Variants in GPHN observed in about 807,000 individuals in gnomAD.
GPHN encodes the protein gephyrin.
Under a neutral mutation model 95.5 loss-of-function variants are expected in GPHN, and 17 were observed. The ratio of observed to expected loss-of-function variants is 0.18; its 90% CI spans 0.12 to 0.27. The LOEUF (loss-of-function observed/expected upper bound fraction) is 0.27, where lower values mean the gene tolerates loss of function less well. GPHN is among the 10% of genes least tolerant of loss of function. The probability of loss-of-function intolerance (pLI) is 1.00; values close to 1 mark genes in which losing one functional copy is unlikely to be tolerated. For synonymous variants in GPHN, 320 were observed against 322.5 expected (o/e 0.99, Z 0.08); for missense variants, 660 against 978.1 (o/e 0.67, Z 4.34).
the GPHN span, among the ~76,000 whole-genome samples, chr14:67,330,967 T>G: frequency 1.3e-5 from 2 of 152,234 alleles, no homozygotes; most frequent in Admixed American, 1.3e-4. Flanking sequence ...CCTGTTAGGA[T>G]GTGTATTCCA....
the GPHN span, chr14:67,620,818 G>T: frequency 2.0e-6 from 3 of 1,466,798 alleles, no homozygotes; most frequent in Non-Finnish European, 2.9e-6. Context: ...GGAACCTGCT[G>T]GGAACTAAAT....
rs151031224 is a variant in GPHN at position 67,048,915 on chromosome 14, T to C, written c.1007-9734T>C. Among the ~76,000 whole-genome samples, 325 of 152,374 alleles carry C rather than the reference T, an allele frequency of 2.1e-3. 1 individual carries two copies. Among genetic ancestry groups the C allele is most frequent in the African/African-American group, 7.3e-3 (305 of 41,604 alleles). ...TAAGGTAGCTATCAGAATATATTTGTGGCCATGAAATAGTTTTGCTTCATA... is the reference window on the plus strand; with the variant it reads ...TAAGGTAGCTATCAGAATATATTTGCGGCCATGAAATAGTTTTGCTTCATA... On this transcript the variant is annotated intron_variant, in intron 10 of 22. Coordinates refer to ENST00000478722, the MANE Select transcript of GPHN (RefSeq NM_020806.5).
the GPHN span, among the ~76,000 whole-genome samples, chr14:67,733,033 C>T: frequency 3.3e-5 from 5 of 152,000 alleles, no homozygotes; most frequent in Non-Finnish European, 7.4e-5. Flanking sequence ...ATGACGAGTT[C>T]ATGGGTGCAG....
At chr14:67,653,475 CAA>C in the GPHN span, 25 of 1,613,876 alleles carry the variant, frequency 1.5e-5, no homozygotes, top group Non-Finnish European at 2.0e-5. Context: ...GACTTTTGCT[CAA>C]GTTTTCACTT....
chr14:67,376,794 T>A, the GPHN span, among the ~76,000 whole-genome samples: 1 of 152,234 alleles, frequency 6.6e-6, no homozygotes, highest in East Asian at 1.9e-4. Context: ...CCATATGGTT[T>A]ATCTCACACA....
chr14:67,392,683 G>A, the GPHN span: 1 of 1,614,076 alleles, frequency 6.2e-7, no homozygotes, highest in Non-Finnish European at 8.5e-7. Flanking sequence ...GGGCTGTGGA[G>A]TCATCCAGGA....
At position 66,972,281 on chromosome 14, in the gene GPHN, AAAAG is replaced by A. The variant is rs1355804113; in HGVS notation, c.963+6964_963+6967del. Among the ~76,000 whole-genome samples, 26 of 127,258 alleles carry A rather than the reference AAAAG, an allele frequency of 2.0e-4. 1 individual carries two copies. The South Asian group carries it at 2.8e-3, about 14-fold the overall frequency. 83.5% of individuals were successfully genotyped at this position (127,258 alleles called of 152,430 possible). On this transcript the variant is annotated intron_variant, in intron 9 of 22. Transcript: ENST00000478722. ...AGAGTCTGTCTCAAAAAAAAAAAAA[AAAAG>A]AAAGAAAAAAAAGAAAAAAGCTAGA...
At chr14:67,695,076 G>A in the GPHN span, among the ~76,000 whole-genome samples, 1 of 152,164 alleles carries the variant, frequency 6.6e-6, no homozygotes, top group South Asian at 2.1e-4. Flanking sequence ...TGCTCGCAAG[G>A]CAGGATAGAG....
intron 5 of GPHN, among the ~76,000 whole-genome samples, chr14:66,883,347 T>C (rs894505299): frequency 2.0e-5 from 3 of 152,012 alleles, no homozygotes; most frequent in Non-Finnish European, 4.4e-5. Flanking sequence ...AGTTCTAAAT[T>C]CTCCATTTGG....
the GPHN span, chr14:67,338,582 C>T: frequency 6.3e-7 from 1 of 1,583,238 alleles, no homozygotes; most frequent in African/African-American, 1.4e-5. Flanking sequence ...TAAAATGAAG[C>T]CAGTGTTAGG....
the GPHN span, chr14:67,620,744 T>A: frequency 1.4e-6 from 1 of 719,044 alleles, no homozygotes; most frequent in Non-Finnish European, 2.3e-6. Context: ...CTGATGTGAT[T>A]CCAACAATGG....
the GPHN span, among the ~76,000 whole-genome samples, chr14:67,194,087 G>C: frequency 6.6e-6 from 1 of 151,926 alleles, no homozygotes; most frequent in African/African-American, 2.4e-5. Context: ...CTAAGGCCAG[G>C]CACAGTGACT....
chr14:67,710,903 G>C, the GPHN span, among the ~76,000 whole-genome samples: 1 of 151,830 alleles, frequency 6.6e-6, no homozygotes, highest in South Asian at 2.1e-4. Context: ...TGTTTACCTA[G>C]ATTATTTATG....
At chr14:67,724,229 T>C in the GPHN span, among the ~76,000 whole-genome samples, 1 of 152,194 alleles carries the variant, frequency 6.6e-6, no homozygotes, top group Admixed American at 6.5e-5. Context: ...TTTACTCTGT[T>C]TGCTAATATG....
intron 17 of GPHN, among the ~76,000 whole-genome samples, chr14:67,136,282 G>A (rs1159846824): frequency 2.0e-5 from 3 of 152,298 alleles, no homozygotes; most frequent in Admixed American, 1.3e-4. Flanking sequence ...AGAGGATCAT[G>A]AGTGGCAAAA....
At chr14:66,855,004 A>G (rs2062740679) in intron 4 of GPHN, among the ~76,000 whole-genome samples, 2 of 152,004 alleles carry the variant, frequency 1.3e-5, no homozygotes, top group South Asian at 4.2e-4. Context: ...CGTGCCACCA[A>G]GCCCAGCTAA....
chr14:66,867,548 A>G (rs951704542), intron 4 of GPHN, among the ~76,000 whole-genome samples: 2 of 152,188 alleles, frequency 1.3e-5, no homozygotes, highest in African/African-American at 4.8e-5. Context: ...AAATATTTTA[A>G]GGATACCTAC....
At chr14:66,509,448 A>G (rs1477948585) in intron 1 of GPHN, 3 of 152,224 alleles carry the variant, frequency 2.0e-5, no homozygotes, top group Admixed American at 6.5e-5. Flanking sequence ...CCCTCGCGAA[A>G]GCCGTGTGTG....
chr14:66,626,005 C>T (rs2153326583), intron 1 of GPHN, among the ~76,000 whole-genome samples: 1 of 152,212 alleles, frequency 6.6e-6, no homozygotes, highest in East Asian at 1.9e-4. Flanking sequence ...CTGTTTAGTT[C>T]CTTCTGAGAA....
Sources: allele counts gnomAD v4.1 joint callset (sites outside exome capture counted in the v4.1 genomes callset), GRCh38; gene constraint gnomAD v4.1.1; transcripts MANE v1.5; gene names NCBI Gene and HGNC (gene_info 2026-07-23, HGNC 2026-07-21).